BMPR1A: variants seen among roughly 807,000 people sequenced by gnomAD.
BMPR1A encodes bone morphogenetic protein receptor type 1A.
BMPR1A carries 7 observed loss-of-function variants against 66.0 expected under a neutral mutation model. The ratio of observed to expected loss-of-function variants is 0.11; its 90% CI spans 0.06 to 0.20. The LOEUF (loss-of-function observed/expected upper bound fraction) is 0.20, where lower values mean the gene tolerates loss of function less well. Among genes scored for constraint, BMPR1A ranks in the 10% least tolerant of loss-of-function variants. The pLI is 1.00. For missense variants in BMPR1A, 408 were observed against 669.1 expected, an observed-to-expected ratio of 0.61 and a Z score of 4.31; for synonymous variants, 200 against 229.7, an observed-to-expected ratio of 0.87 and a Z score of 1.17.
rs1392538257 is a variant in BMPR1A at position 86,770,633 on chromosome 10, C to T, written c.-268+13714C>T. ...CTCCTCCCTCCCCTATTCATCAGAC[C>T]ACACCCCTTCCTCCAGGCTAGCTCT... is the stretch of plus-strand genomic sequence containing the variant. On this transcript the variant is annotated intron_variant, in intron 1 of 12. Transcript: ENST00000372037. 2.6e-5 allele frequency among the ~76,000 whole-genome samples: 4 copies of T among 152,156 alleles called. No individual in the cohort carries two copies. In the East Asian group the frequency reaches 7.7e-4, roughly 29 times the overall value.
chr10:86,863,842 A>T (rs1430578321), intron 2 of BMPR1A, among the ~76,000 whole-genome samples: 1 of 152,114 alleles, frequency 6.6e-6, no homozygotes, highest in South Asian at 2.1e-4. Context: ...ACCCTGAATT[A>T]AAAAAAATTT....
At chr10:86,814,464 C>T (rs1219758181) in intron 1 of BMPR1A, among the ~76,000 whole-genome samples, 1 of 151,892 alleles carries the variant, frequency 6.6e-6, no homozygotes, top group Non-Finnish European at 1.5e-5. Context: ...AATTATCTTC[C>T]TTCTTACTTT....
chr10:86,865,082 G>A (rs1011498182), intron 2 of BMPR1A, among the ~76,000 whole-genome samples: 2 of 152,050 alleles, frequency 1.3e-5, no homozygotes, highest in African/African-American at 4.8e-5. Context: ...CCGAGCCATC[G>A]TATCCCCTGT....
intron 5 of BMPR1A, among the ~76,000 whole-genome samples, chr10:86,894,342 A>G (rs898340805): frequency 1.3e-5 from 2 of 152,246 alleles, no homozygotes; most frequent in Non-Finnish European, 2.9e-5. Flanking sequence ...AGGTTTTCCT[A>G]TACAGTTGTT....
chr10:86,874,946 AAC>A (rs1375649591), intron 2 of BMPR1A, among the ~76,000 whole-genome samples: 1 of 146,074 alleles, frequency 6.8e-6, no homozygotes, highest in African/African-American at 2.5e-5. Flanking sequence ...GCTGGTCTTG[AAC>A]TCCTGACTTC....
intron 2 of BMPR1A, among the ~76,000 whole-genome samples, chr10:86,875,027 G>C (rs1395786803): frequency 6.6e-6 from 1 of 151,760 alleles, no homozygotes; most frequent in African/African-American, 2.4e-5. Context: ...ACTGCACCTG[G>C]CTCCTTTTTC....
At chr10:86,878,551 A>G (rs566864831) in intron 3 of BMPR1A, among the ~76,000 whole-genome samples, 1 of 152,324 alleles carries the variant, frequency 6.6e-6, no homozygotes, top group Non-Finnish European at 1.5e-5. Flanking sequence ...TAGGTGGTAG[A>G]TGTTTGCTGT....
intron 1 of BMPR1A, among the ~76,000 whole-genome samples, chr10:86,763,770 T>C (rs887759207): frequency 2.0e-5 from 3 of 151,704 alleles, no homozygotes; most frequent in East Asian, 1.9e-4. Flanking sequence ...GTGAGAAATC[T>C]GTAGGAGACT....
At chr10:86,902,309 AAG>A (rs1157038084) in intron 7 of BMPR1A, among the ~76,000 whole-genome samples, 2 of 151,970 alleles carry the variant, frequency 1.3e-5, no homozygotes, top group Non-Finnish European at 2.9e-5. Context: ...TGATTTATAG[AAG>A]CTCTTTATAT....
rs935935058 is a variant in BMPR1A at position 86,916,747 on chromosome 10, G to A, written c.676-387G>A. Among the ~76,000 whole-genome samples the A allele has an allele frequency of 3.3e-5, 5 of 152,256 alleles. No individual in the cohort carries two copies. In the East Asian group the frequency reaches 7.7e-4, roughly 24 times the overall value. On this transcript the variant is annotated intron_variant, in intron 8 of 12. Coordinates refer to ENST00000372037, the MANE Select transcript of BMPR1A (RefSeq NM_004329.3). ...CTCACGCCTGTAATCCCAGCATTATGGGAGGCCGGGGGTGGGGTGGATCAC... is the reference window on the plus strand; with the variant it reads ...CTCACGCCTGTAATCCCAGCATTATAGGAGGCCGGGGGTGGGGTGGATCAC...
chr10:86,870,892 T>A (rs569243765), intron 2 of BMPR1A, among the ~76,000 whole-genome samples: 6 of 152,306 alleles, frequency 3.9e-5, no homozygotes, highest in Middle Eastern at 3.4e-3. Context: ...TTGCTTTTGC[T>A]ATTATCCCCT....
chr10:86,775,261 A>G (rs368432412), intron 1 of BMPR1A, among the ~76,000 whole-genome samples: 1 of 152,236 alleles, frequency 6.6e-6, no homozygotes, highest in South Asian at 2.1e-4. Context: ...TACACCAGCA[A>G]TAGCCGTGTG....
chr10:86,905,245 C>G (rs1843369228), intron 7 of BMPR1A, among the ~76,000 whole-genome samples: 1 of 152,198 alleles, frequency 6.6e-6, no homozygotes, highest in African/African-American at 2.4e-5. Flanking sequence ...TGGCCTCCCT[C>G]CACTGTGGAC....
intron 1 of BMPR1A, among the ~76,000 whole-genome samples, chr10:86,819,420 C>T (rs973558568): frequency 2.6e-5 from 4 of 152,130 alleles, no homozygotes; most frequent in Non-Finnish European, 4.4e-5. Flanking sequence ...AAGCGATTCT[C>T]CTGCCTCAGC....
intron 8 of BMPR1A, among the ~76,000 whole-genome samples, chr10:86,916,617 G>A (rs1843572934): frequency 6.6e-6 from 1 of 152,170 alleles, no homozygotes; most frequent in South Asian, 2.1e-4. Context: ...TAATTATTAT[G>A]ACCATTTTTG....
chr10:86,821,877 C>T (rs929118484), intron 1 of BMPR1A, among the ~76,000 whole-genome samples: 2 of 152,028 alleles, frequency 1.3e-5, no homozygotes, highest in African/African-American at 4.8e-5. Flanking sequence ...AATCATGGCT[C>T]ACTGCAGTCT....
chr10:86,861,084 GC>G (rs2133234108), intron 2 of BMPR1A, among the ~76,000 whole-genome samples: 1 of 152,080 alleles, frequency 6.6e-6, no homozygotes, highest in South Asian at 2.1e-4. Context: ...CTTGTGATCC[GC>G]CATCCTTGGC....
chr10:86,791,687 TCCTCCCTCCCTC>T (rs1193872662), intron 1 of BMPR1A, among the ~76,000 whole-genome samples: 1 of 78,856 alleles, frequency 1.3e-5, no homozygotes, highest in East Asian at 7.7e-4. Context: ...TTTACTTCCT[TCCTCCCTCCCTC>T]CCTCCCTCCC....
intron 1 of BMPR1A, among the ~76,000 whole-genome samples, chr10:86,779,319 C>A (rs1382580037): frequency 1.3e-5 from 2 of 152,144 alleles, no homozygotes; most frequent in East Asian, 3.9e-4. Flanking sequence ...CTGTACTGTT[C>A]TGTCTTGTGG....
Sources: allele counts gnomAD v4.1 joint callset (sites outside exome capture counted in the v4.1 genomes callset), GRCh38; gene constraint gnomAD v4.1.1; transcripts MANE v1.5; gene names NCBI Gene and HGNC (gene_info 2026-07-23, HGNC 2026-07-21).